Variants in CEP19 observed in about 807,000 individuals in gnomAD.
The protein encoded by CEP19 is centrosomal protein of 19 kDa.
A neutral mutation model predicts 17.5 loss-of-function variants in CEP19; 14 were observed. That is an observed-to-expected ratio of 0.80 (90% CI 0.53 to 1.25). The LOEUF is 1.25. Ranked by LOEUF, CEP19 falls within the 50% of genes most tolerant of loss-of-function variation. The pLI is 0.00. For synonymous variants in CEP19, 59 were observed against 65.5 expected, an observed-to-expected ratio of 0.90 and a Z score of 0.48; for missense variants, 193 against 192.0, an observed-to-expected ratio of 1.01 and a Z score of -0.03.
At position 196,712,212 on chromosome 3, in the gene CEP19, T is replaced by C; in HGVS notation, c.-354A>G. On this transcript the variant is annotated 5_prime_UTR_variant, in exon 1 of 3. Coordinates refer to ENST00000409690, the MANE Select transcript of CEP19 (RefSeq NM_032898.5). The stretch of plus-strand genomic sequence containing the variant: ...CACCTCGGCGTACAGGGATTCCAGG[T>C]CCCGGCGAGCGCTGGCCTAGCGGTT... The C allele has an allele frequency of 1.9e-6, 1 of 535,876 alleles. No homozygotes were observed. Among genetic ancestry groups the C allele is most frequent in the Non-Finnish European group, 3.3e-6 (1 of 298,598 alleles). The allele number at this position is 535,876 out of a possible 1,614,324, so 33.2% of individuals were successfully genotyped here.
chr3:196,708,797 T>A (rs1711628723), intron 1 of CEP19, 70 bp from the exon 2 acceptor site: 1 of 853,374 alleles, frequency 1.2e-6, no homozygotes, highest in Non-Finnish European at 1.8e-6. Context: ...CCCCAGAAGA[T>A]CTGGTTCTAG....
intron 1 of CEP19, among the ~76,000 whole-genome samples, chr3:196,710,120 ATTATT>A (rs1302985610): frequency 1.3e-5 from 2 of 152,172 alleles, no homozygotes; most frequent in African/African-American, 4.8e-5. Flanking sequence ...AACATATATT[ATTATT>A]TTGTCATCAA....
At chr3:196,708,864 T>C (rs2108663798) in intron 1 of CEP19, 137 bp from the exon 2 acceptor site, 1 of 548,392 alleles carries the variant, frequency 1.8e-6, no homozygotes. Context: ...AAAATTAAAA[T>C]ACGGACTGCT....
Position 196,708,744 on chromosome 3 carries a change from A to G in CEP19, c.-70-17T>C. On this transcript the variant is annotated splice_polypyrimidine_tract_variant and intron_variant, in intron 1 of 2. Coordinates refer to ENST00000409690, the MANE Select transcript of CEP19 (RefSeq NM_032898.5). ...GACTTCCTGCTAAAGGGAAAAAACA[A>G]CTAGGTGTTGGATAAATGTCATTCA... 5 of 1,375,080 alleles carry G rather than the reference A, an allele frequency of 3.6e-6. No individual in the cohort carries two copies. Among genetic ancestry groups the G allele is most frequent in the Middle Eastern group, 1.9e-4 (1 of 5,178 alleles). The allele number at this position is 1,375,080 out of a possible 1,614,324, so 85.2% of individuals were successfully genotyped here.
chr3:196,707,676 G>A lies in CEP19; in HGVS notation c.367C>T (p.Leu123Phe). 1 of 1,614,104 alleles carries A rather than the reference G, an allele frequency of 6.2e-7. No homozygotes were observed. Among genetic ancestry groups the A allele is most frequent in the Non-Finnish European group, 8.5e-7 (1 of 1,180,018 alleles). Residue 123 changes from leucine (L) to phenylalanine (F), a missense_variant, in exon 3 of 3, where the codon CTT (leucine) becomes TTT (phenylalanine). Physicochemically the swap from Leu to Phe is conservative, Grantham distance 22 (BLOSUM62 0). Transcript: ENST00000409690. Reference sequence around the variant, plus strand: ...TTCTTCTTCTGATTTTTCTCAAAAAGTTCATCCATGATGCTCTTTCTTTTG... The same window carrying A: ...TTCTTCTTCTGATTTTTCTCAAAAAATTCATCCATGATGCTCTTTCTTTTG... ...LAKRKSIMDE[L>F]FEKNQKKKDD...
At position 196,707,029 on chromosome 3, in the gene CEP19, C is replaced by CTTTTTTT. The variant is rs71161952; in HGVS notation, c.*515_*521dup. 2 of 107,998 alleles carry CTTTTTTT rather than the reference C, an allele frequency of 1.9e-5. No individual in the cohort carries two copies. Among genetic ancestry groups the CTTTTTTT allele is most frequent in the African/African-American group, 3.5e-5 (1 of 28,406 alleles). The allele number at this position is 107,998 out of a possible 1,614,324, so 6.7% of individuals were successfully genotyped here. A position where few individuals can be genotyped will look rare whatever the true frequency, so the allele number is the denominator to read the frequency against. ...TGACATCTTCCAGTCAGATTGTAAGCTTTTTTTTTTTTTTTTTTTTGAGAT... is the reference window on the plus strand; with the variant it reads ...TGACATCTTCCAGTCAGATTGTAAGCTTTTTTTTTTTTTTTTTTTTTTTTTTTGAGAT... On this transcript the variant is annotated 3_prime_UTR_variant, in exon 3 of 3. Transcript: ENST00000409690.
Position 196,708,659 on chromosome 3 carries a change from C to G in CEP19, c.-2G>C. ...ACATTTCTTGGCAGTGCACATCATT[C>G]CCATGTACATGTCCGGGTAAGTCAG... is the stretch of plus-strand genomic sequence containing the variant. On this transcript the variant is annotated 5_prime_UTR_variant, in exon 2 of 3. Transcript: ENST00000409690. The G allele has an allele frequency of 6.2e-7, 1 of 1,613,720 alleles. No homozygotes were observed. Among genetic ancestry groups the G allele is most frequent in the Non-Finnish European group, 8.5e-7 (1 of 1,179,766 alleles).
Position 196,707,880 on chromosome 3 carries a change from T to A in CEP19, c.163A>T (p.Asn55Tyr). The A allele has an allele frequency of 6.2e-7, 1 of 1,612,734 alleles. No individual in the cohort carries two copies. Among genetic ancestry groups the A allele is most frequent in the Non-Finnish European group, 8.5e-7 (1 of 1,179,974 alleles). ...TCTAGGTAACTCTTGTGTCGCGGAT[T>A]ATTCTTTAATTGTTCAGCAGCTCTG... Reference protein sequence around the residue: ...CTRAAEQLKNNPRHKSYLEQV... With the variant: ...CTRAAEQLKNYPRHKSYLEQV... Residue 55 changes from asparagine to tyrosine, a missense_variant, in exon 3 of 3, where the codon AAT becomes TAT. Transcript: ENST00000409690.
chr3:196,709,146 A>T (rs1237529189), intron 1 of CEP19, among the ~76,000 whole-genome samples: 1 of 152,004 alleles, frequency 6.6e-6, no homozygotes, highest in Non-Finnish European at 1.5e-5. Context: ...TCGAATATGA[A>T]CCCCTAAGTC....
At chr3:196,710,568 T>A (rs114705154) in intron 1 of CEP19, among the ~76,000 whole-genome samples, 27,011 of 151,580 alleles carry the variant, frequency 0.18, 2,629 homozygotes, top group Non-Finnish European at 0.22. Flanking sequence ...GCAGGTGTGG[T>A]GGCTCAGGCC....
chr3:196,707,552 C>T lies in CEP19; in HGVS notation c.491G>A (p.Ter164=). The T allele has an allele frequency of 1.2e-6, 2 of 1,601,748 alleles. No individual in the cohort carries two copies. The highest frequency in any genetic ancestry group is 1.7e-6 in the Non-Finnish European group (2 of 1,174,792). Residue 164 remains the stop codon, a stop_retained_variant, in exon 3 of 3, where the codon TGA becomes TAA. Coordinates refer to ENST00000409690, the MANE Select transcript of CEP19 (RefSeq NM_032898.5). The stretch of plus-strand genomic sequence containing the variant: ...AATGCATGTTTTGAGTGTTTGGTAT[C>T]AGAACTCATCAGCTGACTCTGTGTC... ...GWDTESADEF[*] is the part of the protein sequence containing the mutation.
Position 196,708,597 on chromosome 3 carries a change from A to G in CEP19, c.61T>C (p.Tyr21His). The G allele has an allele frequency of 6.2e-7, 1 of 1,614,154 alleles. No individual in the cohort carries two copies. Among genetic ancestry groups the G allele is most frequent in the South Asian group, 1.1e-5 (1 of 91,080 alleles). ...ATTTTCCCCTTGATTTCACTCTCAT[A>G]GATTAAGATAATAGCTGGAGGCTGA... ...RFQPPAIILIYESEIKGKIRQ... is the reference protein window; with the variant it reads ...RFQPPAIILIHESEIKGKIRQ... Residue 21 changes from tyrosine to histidine, a missense_variant, in exon 2 of 3, where the codon TAT becomes CAT. Coordinates refer to ENST00000409690, the MANE Select transcript of CEP19 (RefSeq NM_032898.5).
intron 1 of CEP19, chr3:196,708,947 G>A (rs946398656): frequency 9.4e-6 from 3 of 320,506 alleles, no homozygotes; most frequent in South Asian, 1.2e-4. Context: ...TGTGGGGTAT[G>A]TGCGCGGGAA....
intron 1 of CEP19, 172 bp from the exon 2 acceptor site, chr3:196,708,899 C>T (rs555921526): frequency 3.1e-5 from 15 of 489,490 alleles, no homozygotes; most frequent in East Asian, 1.1e-4. Flanking sequence ...GTCATCCTTG[C>T]GCAGGGGCCA....
intron 2 of CEP19, 108 bp downstream of exon 2, chr3:196,708,420 G>T: frequency 1.0e-6 from 1 of 981,148 alleles, no homozygotes; most frequent in South Asian, 1.5e-5. Context: ...AGCTCACTGA[G>T]AGTAAGTAAT....
In CEP19 at chr3:196,706,599, T is replaced by G. The variant is rs1170134161; in HGVS notation, c.*952A>C. ...CCTCTGTCCATCAAGTGACATCTGCTTGCAGCTGTAGGGAATTTTGCAGGG... is the reference window on the plus strand; with the variant it reads ...CCTCTGTCCATCAAGTGACATCTGCGTGCAGCTGTAGGGAATTTTGCAGGG... On this transcript the variant is annotated 3_prime_UTR_variant, in exon 3 of 3. Coordinates refer to ENST00000409690, the MANE Select transcript of CEP19 (RefSeq NM_032898.5). 5 of 152,176 alleles carry G rather than the reference T, an allele frequency of 3.3e-5. No homozygotes were observed. Among genetic ancestry groups the G allele is most frequent in the Non-Finnish European group, 7.3e-5 (5 of 68,042 alleles). The allele number at this position is 152,176 out of a possible 1,614,324, so 9.4% of individuals were successfully genotyped here.
chr3:196,710,678 C>G (rs1382848821), intron 1 of CEP19, among the ~76,000 whole-genome samples: 1 of 151,758 alleles, frequency 6.6e-6, no homozygotes, highest in Non-Finnish European at 1.5e-5. Context: ...CATGTCTCTA[C>G]AAAAAATTTA....
chr3:196,709,199 A>G (rs1212642166), intron 1 of CEP19, among the ~76,000 whole-genome samples: 1 of 152,158 alleles, frequency 6.6e-6, no homozygotes, highest in South Asian at 2.1e-4. Flanking sequence ...TTTATCAATT[A>G]AGAAAGGGCA....
intron 1 of CEP19, among the ~76,000 whole-genome samples, chr3:196,711,592 C>T (rs890431769): frequency 6.6e-6 from 1 of 152,160 alleles, no homozygotes; most frequent in African/African-American, 2.4e-5. Flanking sequence ...GGGCTATAGG[C>T]GTGAGCCACC....
Sources: gnomAD v4.1 joint callset for allele counts (sites outside exome capture counted in the v4.1 genomes callset) on GRCh38, gnomAD v4.1.1 for gene constraint, MANE v1.5 for transcripts, NCBI Gene and HGNC (gene_info 2026-07-23, HGNC 2026-07-21) for gene names.